The following AKR1C2 variants were observed in gnomAD, a reference collection of about 807,000 sequenced individuals.
AKR1C2 encodes the protein aldo-keto reductase family 1 member C2.
A neutral mutation model predicts 39.8 loss-of-function variants in AKR1C2; 27 were observed. That is an observed-to-expected ratio of 0.68 (90% CI 0.50 to 0.93). The LOEUF (loss-of-function observed/expected upper bound fraction) is 0.93, where lower values mean the gene tolerates loss of function less well. Among genes scored for constraint, AKR1C2 ranks in the 40% least tolerant of loss-of-function variants. The probability of loss-of-function intolerance (pLI) is 0.00; values close to 1 mark genes in which losing one functional copy is unlikely to be tolerated. For synonymous variants in AKR1C2, 114 were observed against 137.9 expected (o/e 0.83, Z 1.22); for missense variants, 263 against 365.1 (o/e 0.72, Z 2.28).
rs1138743 is a variant in AKR1C2 at position 4,989,870 on chromosome 10, A to G, written c.*126T>C. The G allele has an allele frequency of 2.7e-5, 38 of 1,400,708 alleles. No homozygotes were observed. Among genetic ancestry groups the G allele is most frequent in the South Asian group, 2.1e-4 (16 of 76,292 alleles). 86.8% of individuals were successfully genotyped at this position (1,400,708 alleles called of 1,614,324 possible). A position where few individuals can be genotyped will look rare whatever the true frequency, so the allele number is the denominator to read the frequency against. On this transcript the variant is annotated 3_prime_UTR_variant, in exon 9 of 9. Coordinates refer to ENST00000380753, the MANE Select transcript of AKR1C2 (RefSeq NM_001393392.1). ...CGGCCGATGGGCTTAGCTGTAGCTT[A>G]CTGAAGTCGCCAAGCAGGAGAGATT... is the stretch of plus-strand genomic sequence containing the variant.
At chr10:5,001,035 A>G (rs1241148823) in intron 2 of AKR1C2, among the ~76,000 whole-genome samples, 2 of 152,208 alleles carry the variant, frequency 1.3e-5, no homozygotes, top group African/African-American at 4.8e-5. Context: ...TGGTTTGGAA[A>G]CTGAGGAGGC....
intron 8 of AKR1C2, 79 bp from the exon 9 acceptor site, chr10:4,990,117 G>A: frequency 6.4e-7 from 1 of 1,560,688 alleles, no homozygotes; most frequent in Admixed American, 1.8e-5. Flanking sequence ...TTTCTAGGAA[G>A]CTGCCGCTAG....
upstream of AKR1C2, chr10:5,006,491 T>C (rs1837405666): frequency 6.6e-6 from 1 of 152,126 alleles, no homozygotes; most frequent in African/African-American, 2.4e-5. Flanking sequence ...TAATTCCAGC[T>C]ACTCCGGAGG....
intron 5 of AKR1C2, chr10:4,997,329 A>G (rs1217960652): frequency 2.6e-5 from 4 of 152,362 alleles, no homozygotes; most frequent in African/African-American, 7.2e-5. Context: ...AAGAGCTACA[A>G]AAGATATTTT....
rs781898911 is a variant in AKR1C2 at position 5,001,729 on chromosome 10, G to A, written c.85-48C>T. The stretch of plus-strand genomic sequence containing the variant: ...TATTTTCTGACTAATGTGCCTGAGA[G>A]TTAGTTCGGGCACAAGCAGCAACGT... On this transcript the variant is annotated intron_variant, in intron 1 of 8. Coordinates refer to ENST00000380753, the MANE Select transcript of AKR1C2 (RefSeq NM_001393392.1). 9 of 1,609,858 alleles carry A rather than the reference G, an allele frequency of 5.6e-6. No homozygotes were observed. In the Admixed American group the frequency reaches 1.0e-4, roughly 18 times the overall value.
chr10:5,014,435 C>T (rs1564338729), intron 1 of AKR1C2, among the ~76,000 whole-genome samples: 1 of 152,094 alleles, frequency 6.6e-6, no homozygotes, highest in South Asian at 2.1e-4. Context: ...GTTAATGAGG[C>T]ATCTCATCCG....
At chr10:5,016,543 C>A (rs782669004) in intron 1 of AKR1C2, among the ~76,000 whole-genome samples, 1 of 152,240 alleles carries the variant, frequency 6.6e-6, no homozygotes, top group Non-Finnish European at 1.5e-5. Context: ...TTGGGCAGCT[C>A]TACCTCTGTG....
chr10:4,995,492 GA>G lies in AKR1C2; in HGVS notation c.681-9del. The G allele has an allele frequency of 6.6e-7, 1 of 1,521,448 alleles. No individual in the cohort carries two copies. Among genetic ancestry groups the G allele is most frequent in the South Asian group, 1.3e-5 (1 of 76,058 alleles). 94.2% of individuals were successfully genotyped at this position (1,521,448 alleles called of 1,614,324 possible). A position where few individuals can be genotyped will look rare whatever the true frequency, so the allele number is the denominator to read the frequency against. ...GGGGAGTTCGGGTCCACCCTGGAAG[GA>G]AAGGCAGAAAGGCTGAGGCCCTGAG... On this transcript the variant is annotated splice_polypyrimidine_tract_variant and intron_variant, in intron 6 of 8. Coordinates refer to ENST00000380753, the MANE Select transcript of AKR1C2 (RefSeq NM_001393392.1).
intron 8 of AKR1C2, among the ~76,000 whole-genome samples, chr10:4,991,414 G>A (rs1301866577): frequency 3.9e-5 from 6 of 152,138 alleles, no homozygotes; most frequent in African/African-American, 1.4e-4. Context: ...AAGATTGACG[G>A]AACTGCCTTT....
upstream of AKR1C2, among the ~76,000 whole-genome samples, chr10:5,004,261 C>G (rs1564333891): frequency 1.3e-5 from 2 of 152,176 alleles, no homozygotes; most frequent in African/African-American, 4.8e-5. Flanking sequence ...TCATTTTTCT[C>G]TCTCTCACAC....
chr10:4,990,810 T>G (rs1836814818), intron 8 of AKR1C2, among the ~76,000 whole-genome samples: 1 of 151,848 alleles, frequency 6.6e-6, no homozygotes, highest in South Asian at 2.1e-4. Flanking sequence ...TTCATGATCA[T>G]AAAAAACATT....
In AKR1C2 at chr10:4,989,765, G is replaced by C; in HGVS notation, c.*231C>G. 1.7e-6 allele frequency: 1 copy of C among 605,096 alleles called. No individual in the cohort carries two copies. Among genetic ancestry groups the C allele is most frequent in the Non-Finnish European group, 2.8e-6 (1 of 352,100 alleles). 37.5% of individuals were successfully genotyped at this position (605,096 alleles called of 1,614,324 possible). A position where few individuals can be genotyped will look rare whatever the true frequency, so the allele number is the denominator to read the frequency against. Reference sequence around the variant, plus strand: ...GGAGAGAAAACATAGAAGTTATGGAGACCAAAGTAGGTGAAGAATCTTTAG... The same window carrying C: ...GGAGAGAAAACATAGAAGTTATGGACACCAAAGTAGGTGAAGAATCTTTAG... On this transcript the variant is annotated 3_prime_UTR_variant, in exon 9 of 9. Transcript: ENST00000380753.
intron 7 of AKR1C2, among the ~76,000 whole-genome samples, chr10:4,994,213 G>A (rs1251802931): frequency 7.2e-5 from 11 of 151,802 alleles, no homozygotes; most frequent in African/African-American, 2.7e-4. Context: ...ATGTATTCTG[G>A]ATGTTAATTC....
At chr10:4,990,662 C>G (rs1836808794) in intron 8 of AKR1C2, among the ~76,000 whole-genome samples, 1 of 151,922 alleles carries the variant, frequency 6.6e-6, no homozygotes, top group Admixed American at 6.6e-5. Context: ...AATGACTGCT[C>G]ACATATACAG....
chr10:4,995,721 A>G lies in AKR1C2; in HGVS notation c.680+35T>C, dbSNP rs2904807. 0.13 allele frequency: 173,064 copies of G among 1,308,210 alleles called. 27,374 individuals are homozygous for G. The highest frequency in any genetic ancestry group is 0.57 in the East Asian group (20,983 of 37,092). 81.0% of individuals were successfully genotyped at this position (1,308,210 alleles called of 1,614,324 possible). The stretch of plus-strand genomic sequence containing the variant: ...CTGATTAAATTTTTTTTATCAAACC[A>G]GTGTTTTAGGTAAACTTCCTGTATC... On this transcript the variant is annotated intron_variant, in intron 6 of 8. Coordinates refer to ENST00000380753, the MANE Select transcript of AKR1C2 (RefSeq NM_001393392.1).
At chr10:5,003,651 G>A in intron 1 of AKR1C2, 101 bp downstream of exon 1, 1 of 1,178,524 alleles carries the variant, frequency 8.5e-7, no homozygotes, top group Non-Finnish European at 1.3e-6. Context: ...GTTTAAAGGG[G>A]AGTCATGCAG....
rs373375262 is a variant in AKR1C2 at position 5,009,588 on chromosome 10, G to A, written c.-87-5666C>T. On this transcript the variant is annotated intron_variant, in intron 1 of 6. Transcript: ENST00000604507. ...ATGGACAGGAGACAGGGAAATACTGGGTAGAAGAGGGTGGTTTCCCAGCAA... is the reference window on the plus strand; with the variant it reads ...ATGGACAGGAGACAGGGAAATACTGAGTAGAAGAGGGTGGTTTCCCAGCAA... Among the ~76,000 whole-genome samples the A allele has an allele frequency of 1.0e-4, 15 of 149,156 alleles. No individual in the cohort carries two copies. The East Asian group carries it at 2.5e-3, about 25-fold the overall frequency.
At position 5,015,509 on chromosome 10, in the gene AKR1C2, G is replaced by A. The variant is rs1837618767; in HGVS notation, c.-88+2391C>T. 2.6e-5 allele frequency among the ~76,000 whole-genome samples: 4 copies of A among 151,984 alleles called. No homozygotes were observed. In the South Asian group the frequency reaches 8.3e-4, roughly 32 times the overall value. ...ACACAGAACTACCCTCCCTAACACA[G>A]ACTCCTCATTGGTACAGCCCAATTA... On this transcript the variant is annotated intron_variant, in intron 1 of 6. Coordinates refer to the AKR1C2 transcript ENST00000604507.
At chr10:5,004,850 A>G (rs1554774237), upstream of AKR1C2, 1 of 139,448 alleles carries the variant, frequency 7.2e-6, no homozygotes, top group Non-Finnish European at 1.5e-5. Flanking sequence ...GCTTTCTCAT[A>G]AAACAAACAG....
Sources: allele counts gnomAD v4.1 joint callset (sites outside exome capture counted in the v4.1 genomes callset), GRCh38; gene constraint gnomAD v4.1.1; transcripts MANE v1.5; gene names NCBI Gene and HGNC (gene_info 2026-07-23, HGNC 2026-07-21).